DENND1A: variants seen among roughly 807,000 people sequenced by gnomAD.
DENND1A encodes DENN domain-containing protein 1A.
In DENND1A, 51 loss-of-function variants were observed where a neutral mutation model predicts 113.7. The ratio of observed to expected loss-of-function variants is 0.45; its 90% confidence interval spans 0.36 to 0.57. DENND1A has a LOEUF of 0.57. DENND1A is among the 20% of genes least tolerant of loss of function. DENND1A has a pLI of 0.00. For synonymous variants in DENND1A, 565 were observed against 570.8 expected (o/e 0.99, Z 0.14); for missense variants, 1,258 against 1,395.9 (o/e 0.90, Z 1.57).
chr9:123,440,355 C>T lies in DENND1A; in HGVS notation c.1488+5G>A. On this transcript the variant is annotated splice_donor_5th_base_variant and intron_variant, in intron 19 of 23. Transcript: ENST00000394215. The stretch of plus-strand genomic sequence containing the variant: ...ACAGACAGGTAGGAGGGCCAGGGTA[C>T]ACACCTGTCCAAAGTGGACTGTGAT... The T allele has an allele frequency of 6.3e-7, 1 of 1,597,816 alleles. No homozygotes were observed. Among genetic ancestry groups the T allele is most frequent in the Admixed American group, 1.8e-5 (1 of 56,974 alleles).
rs756809458 is a variant in DENND1A, at chr9:123,457,911, A to T, written c.994-14T>A. On this transcript the variant is annotated splice_polypyrimidine_tract_variant and intron_variant, in intron 13 of 23. Transcript: ENST00000394215. ...GATCGGCTCCTCCTGGGAAGTGCAGAGGGGAGAGGTGGGTCAGTGGCACGG... is the reference window on the plus strand; with the variant it reads ...GATCGGCTCCTCCTGGGAAGTGCAGTGGGGAGAGGTGGGTCAGTGGCACGG... 6.3e-7 allele frequency: 1 copy of T among 1,599,882 alleles called. No individual in the cohort carries two copies. The highest frequency in any genetic ancestry group is 2.3e-5 in the East Asian group (1 of 44,156).
intron 13 of DENND1A, among the ~76,000 whole-genome samples, chr9:123,536,756 C>CAA (rs1554862982): frequency 6.6e-6 from 1 of 151,258 alleles, no homozygotes; most frequent in Non-Finnish European, 1.5e-5. Flanking sequence ...AGGACAGATA[C>CAA]GAGAGAGAGA....
intron 13 of DENND1A, among the ~76,000 whole-genome samples, chr9:123,508,137 A>G (rs2053131278): frequency 6.6e-6 from 1 of 152,234 alleles, no homozygotes; most frequent in African/African-American, 2.4e-5. Context: ...AGCTAGACTT[A>G]GTAAGTCCAG....
chr9:123,524,176 G>A (rs923156848), intron 13 of DENND1A, among the ~76,000 whole-genome samples: 1 of 152,152 alleles, frequency 6.6e-6, no homozygotes, highest in Non-Finnish European at 1.5e-5. Flanking sequence ...TGGAGAAGAG[G>A]CCACTTGATG....
chr9:123,718,705 T>C (rs2067137851), intron 5 of DENND1A, among the ~76,000 whole-genome samples: 1 of 152,196 alleles, frequency 6.6e-6, no homozygotes, highest in African/African-American at 2.4e-5. Flanking sequence ...CTCATCAAAA[T>C]TTGGGACTCA....
chr9:123,527,840 T>A (rs1486203488), intron 13 of DENND1A, among the ~76,000 whole-genome samples: 1 of 152,226 alleles, frequency 6.6e-6, no homozygotes, highest in Admixed American at 6.5e-5. Context: ...AGAAAAGAGT[T>A]TGAATCAGCT....
chr9:123,762,073 A>C (rs917581987), intron 4 of DENND1A, among the ~76,000 whole-genome samples: 2 of 152,224 alleles, frequency 1.3e-5, no homozygotes, highest in Admixed American at 6.5e-5. Context: ...ACAAAAATCC[A>C]AGCCAACTTC....
chr9:123,593,082 C>T (rs1351381359), intron 11 of DENND1A, among the ~76,000 whole-genome samples: 3 of 152,186 alleles, frequency 2.0e-5, no homozygotes, highest in Non-Finnish European at 2.9e-5. Context: ...AGCTCCAGGA[C>T]ACACACTGCT....
chr9:123,575,893 C>T (rs1442438145), intron 12 of DENND1A, among the ~76,000 whole-genome samples: 1 of 152,136 alleles, frequency 6.6e-6, no homozygotes, highest in Non-Finnish European at 1.5e-5. Flanking sequence ...AGAAATTATA[C>T]AATTGGGTCT....
chr9:123,898,455 A>C (rs200435845), intron 1 of DENND1A, among the ~76,000 whole-genome samples: 27 of 152,168 alleles, frequency 1.8e-4, no homozygotes, highest in East Asian at 1.2e-3. Flanking sequence ...CAGCCTCCCA[A>C]GTAGCCAGGA....
At chr9:123,920,811 G>C (rs541876506) in intron 1 of DENND1A, among the ~76,000 whole-genome samples, 1 of 151,496 alleles carries the variant, frequency 6.6e-6, no homozygotes, top group Non-Finnish European at 1.5e-5. Context: ...GACTTCAAAT[G>C]ATCTGCCTGC....
intron 5 of DENND1A, among the ~76,000 whole-genome samples, chr9:123,757,121 G>A (rs1302725552): frequency 6.6e-6 from 1 of 152,202 alleles, no homozygotes; most frequent in Non-Finnish European, 1.5e-5. Flanking sequence ...CCCTCTGGCA[G>A]GAGGAAACAG....
At chr9:123,469,037 C>T (rs1189803341) in intron 13 of DENND1A, among the ~76,000 whole-genome samples, 1 of 152,192 alleles carries the variant, frequency 6.6e-6, no homozygotes, top group Non-Finnish European at 1.5e-5. Context: ...CCTCAGAGGG[C>T]CTGGGTTACC....
At chr9:123,391,111 C>T (rs1460655650) in intron 21 of DENND1A, among the ~76,000 whole-genome samples, 1 of 152,236 alleles carries the variant, frequency 6.6e-6, no homozygotes, top group East Asian at 1.9e-4. Flanking sequence ...GGCTTCCACA[C>T]TGGTGTGACT....
intron 1 of DENND1A, among the ~76,000 whole-genome samples, chr9:123,904,287 T>C (rs1381927062): frequency 3.3e-5 from 5 of 151,536 alleles, no homozygotes; most frequent in Admixed American, 2.6e-4. Flanking sequence ...ACAGAAAAAC[T>C]GGAAACTCTA....
chr9:123,924,166 C>A (rs12000625), intron 1 of DENND1A, among the ~76,000 whole-genome samples: 25,046 of 152,048 alleles, frequency 0.16, 3,410 homozygotes, highest in African/African-American at 0.37. Context: ...CCACGCAGGA[C>A]GGGTTATATA....
intron 2 of DENND1A, chr9:123,843,046 C>G (rs1431305907): frequency 2.0e-6 from 1 of 502,394 alleles, no homozygotes; most frequent in African/African-American, 2.0e-5. Context: ...ATGAAAGATA[C>G]TGACATCAAA....
At chr9:123,514,439 C>T (rs575003030) in intron 13 of DENND1A, among the ~76,000 whole-genome samples, 2 of 151,930 alleles carry the variant, frequency 1.3e-5, no homozygotes, top group South Asian at 2.1e-4. Context: ...AGTGGTCTAG[C>T]GCTGGGGTGT....
chr9:123,577,046 T>C (rs1227753394), intron 12 of DENND1A, among the ~76,000 whole-genome samples: 2 of 152,170 alleles, frequency 1.3e-5, no homozygotes, highest in African/African-American at 2.4e-5. Flanking sequence ...AAATCAGCTA[T>C]AATCTGTTAA....
Sources: gnomAD v4.1 joint callset for allele counts (sites outside exome capture counted in the v4.1 genomes callset) on GRCh38, gnomAD v4.1.1 for gene constraint, MANE v1.5 for transcripts, NCBI Gene and HGNC (gene_info 2026-07-23, HGNC 2026-07-21) for gene names.